Variants in CPA6 observed in about 807,000 individuals in gnomAD.
CPA6 encodes carboxypeptidase A6.
Under a neutral mutation model 63.3 loss-of-function variants are expected in CPA6, and 58 were observed. The observed-to-expected ratio is 0.92, with a 90% CI of 0.74 to 1.14. The LOEUF is 1.14. Ranked by LOEUF, CPA6 falls within the 50% of genes most tolerant of loss-of-function variation. The probability of loss-of-function intolerance (pLI) is 0.00; values close to 1 mark genes in which losing one functional copy is unlikely to be tolerated. For missense variants in CPA6, 565 were observed against 526.6 expected (o/e 1.07, Z -0.71); for synonymous variants, 185 against 179.0 (o/e 1.03, Z -0.27).
At chr8:67,653,774 A>G (rs1247950325) in intron 1 of CPA6, among the ~76,000 whole-genome samples, 1 of 152,192 alleles carries the variant, frequency 6.6e-6, no homozygotes, top group East Asian at 1.9e-4. Context: ...AACTTCCAAC[A>G]CTATGTTGAA....
intron 2 of CPA6, among the ~76,000 whole-genome samples, chr8:67,545,839 A>C: frequency 6.6e-6 from 1 of 152,158 alleles, no homozygotes; most frequent in East Asian, 1.9e-4. Flanking sequence ...CTGGGATTAC[A>C]GGCGTGAACT....
At chr8:67,728,949 C>T (rs1356913035) in intron 1 of CPA6, among the ~76,000 whole-genome samples, 1 of 152,120 alleles carries the variant, frequency 6.6e-6, no homozygotes, top group African/African-American at 2.4e-5. Flanking sequence ...AAGAGACCAC[C>T]CAATTTAATT....
intron 2 of CPA6, among the ~76,000 whole-genome samples, chr8:67,589,759 A>T (rs1814055845): frequency 6.6e-6 from 1 of 152,068 alleles, no homozygotes; most frequent in Non-Finnish European, 1.5e-5. Context: ...CATCACTAGA[A>T]AGCTTCCCTA....
chr8:67,426,495 A>T (rs894537923), intron 10 of CPA6, among the ~76,000 whole-genome samples: 1 of 152,210 alleles, frequency 6.6e-6, no homozygotes, highest in Non-Finnish European at 1.5e-5. Context: ...AAAAAGGTCA[A>T]CATGAGACCA....
intron 6 of CPA6, among the ~76,000 whole-genome samples, chr8:67,487,557 G>T (rs1232443464): frequency 1.3e-5 from 2 of 152,056 alleles, no homozygotes; most frequent in Non-Finnish European, 2.9e-5. Flanking sequence ...ATAATCCTTT[G>T]GTTATATACC....
At chr8:67,505,874 G>A (rs536185692) in intron 6 of CPA6, among the ~76,000 whole-genome samples, 4 of 152,002 alleles carry the variant, frequency 2.6e-5, no homozygotes, top group Admixed American at 6.6e-5. Context: ...AAATATAACC[G>A]ATATACTTAA....
At chr8:67,562,505 GT>G (rs1813236778) in intron 2 of CPA6, among the ~76,000 whole-genome samples, 1 of 152,106 alleles carries the variant, frequency 6.6e-6, no homozygotes, top group African/African-American at 2.4e-5. Context: ...CTCTGCATTC[GT>G]TTTGTGGTTC....
chr8:67,550,871 C>G (rs569573885), intron 2 of CPA6, among the ~76,000 whole-genome samples: 1 of 152,032 alleles, frequency 6.6e-6, no homozygotes, highest in Non-Finnish European at 1.5e-5. Flanking sequence ...CTTTTGCCCA[C>G]TTTTAATGGG....
chr8:67,495,008 CAG>C (rs1230877792), intron 6 of CPA6, among the ~76,000 whole-genome samples: 1 of 152,172 alleles, frequency 6.6e-6, no homozygotes, highest in Non-Finnish European at 1.5e-5. Flanking sequence ...TGGATAACAG[CAG>C]AGTTTTTGAT....
intron 8 of CPA6, among the ~76,000 whole-genome samples, chr8:67,477,657 G>A (rs907524378): frequency 6.6e-6 from 1 of 152,134 alleles, no homozygotes; most frequent in African/African-American, 2.4e-5. Flanking sequence ...GAGTCTTAAG[G>A]GCCTAGTTTG....
At chr8:67,571,167 A>G (rs1396733566) in intron 2 of CPA6, among the ~76,000 whole-genome samples, 1 of 152,190 alleles carries the variant, frequency 6.6e-6, no homozygotes, top group Non-Finnish European at 1.5e-5. Flanking sequence ...TTATAAACAC[A>G]TGTGCACTCC....
At chr8:67,731,741 T>C (rs1164682739) in intron 1 of CPA6, among the ~76,000 whole-genome samples, 1 of 152,210 alleles carries the variant, frequency 6.6e-6, no homozygotes, top group East Asian at 1.9e-4. Flanking sequence ...GCAAACTTTC[T>C]TCTTATTGAA....
At chr8:67,537,698 CT>C (rs1379812400) in intron 2 of CPA6, among the ~76,000 whole-genome samples, 1 of 152,130 alleles carries the variant, frequency 6.6e-6, no homozygotes, top group Non-Finnish European at 1.5e-5. Flanking sequence ...CAATTCTGCT[CT>C]GATCTTAGTT....
chr8:67,656,604 G>A (rs148592199), intron 1 of CPA6, among the ~76,000 whole-genome samples: 1 of 152,268 alleles, frequency 6.6e-6, no homozygotes, highest in East Asian at 1.9e-4. Context: ...TCAATGTAGG[G>A]TTCAAGGCTT....
At chr8:67,655,726 G>T (rs558582877) in intron 1 of CPA6, among the ~76,000 whole-genome samples, 51 of 152,140 alleles carry the variant, frequency 3.4e-4, no homozygotes, top group Non-Finnish European at 6.3e-4. Context: ...AGAGGCCCCT[G>T]TGTGACTCTA....
intron 2 of CPA6, among the ~76,000 whole-genome samples, chr8:67,544,831 C>G (rs541256415): frequency 1.3e-5 from 2 of 152,278 alleles, no homozygotes; most frequent in Admixed American, 6.5e-5. Context: ...TGCGACTCCC[C>G]CTTCTTACCC....
At chr8:67,444,189 C>T (rs1421221986) in intron 8 of CPA6, among the ~76,000 whole-genome samples, 2 of 151,826 alleles carry the variant, frequency 1.3e-5, no homozygotes, top group Admixed American at 6.6e-5. Context: ...AGGGTTTCAC[C>T]GTGTTAGCCA....
intron 1 of CPA6, among the ~76,000 whole-genome samples, chr8:67,721,961 C>A (rs191422102): frequency 2.4e-4 from 37 of 152,258 alleles, no homozygotes; most frequent in Admixed American, 1.6e-3. Context: ...TCAATGGAAG[C>A]CAATTGTTCA....
At position 67,562,648 on chromosome 8, in the gene CPA6, C is replaced by T. The variant is rs117113320; in HGVS notation, c.193-44601G>A. Among the ~76,000 whole-genome samples the T allele has an allele frequency of 5.7e-3, 865 of 152,196 alleles. 3 individuals carry two copies. The highest frequency in any genetic ancestry group is 8.8e-3 in the Non-Finnish European group (598 of 68,002). On this transcript the variant is annotated intron_variant, in intron 2 of 10. Coordinates refer to ENST00000297770, the MANE Select transcript of CPA6 (RefSeq NM_020361.5). The stretch of plus-strand genomic sequence containing the variant: ...TTTTGGGAGGTGATTAGGTCAAGAC[C>T]GTAGAGTCCTCATGAATTGGATTAG...
Sources: gnomAD v4.1 joint callset for allele counts (sites outside exome capture counted in the v4.1 genomes callset) on GRCh38, gnomAD v4.1.1 for gene constraint, MANE v1.5 for transcripts, NCBI Gene and HGNC (gene_info 2026-07-23, HGNC 2026-07-21) for gene names.